Variants in MKNK1 observed in about 807,000 individuals in gnomAD.
MKNK1 encodes the protein MAP kinase-interacting serine/threonine-protein kinase 1.
MKNK1 carries 30 observed loss-of-function variants against 49.3 expected under a neutral mutation model. The ratio of observed to expected loss-of-function variants is 0.61; its 90% CI spans 0.46 to 0.83. The LOEUF is 0.83. Ranked by LOEUF, MKNK1 falls within the 40% of genes least tolerant of loss-of-function variation. MKNK1 has a pLI of 0.00. For missense variants in MKNK1, 423 were observed against 524.7 expected (o/e 0.81, Z 1.89); for synonymous variants, 176 against 201.7 (o/e 0.87, Z 1.08).
chr1:46,585,165 G>A (rs961284823), intron 2 of MKNK1, among the ~76,000 whole-genome samples: 9 of 146,866 alleles, frequency 6.1e-5, no homozygotes, highest in South Asian at 4.4e-4. Context: ...CAGGAGAATC[G>A]CTTGAACCTG....
Position 46,583,862 on chromosome 1 carries a change from CA to C in MKNK1, c.-2-534del, listed in dbSNP as rs564957613. The stretch of plus-strand genomic sequence containing the variant: ...TGAAGGTAGCAATAGGGCTGGGGTT[CA>C]AAATAGCCCCAAATTACTTCATGTC... On this transcript the variant is annotated intron_variant, in intron 2 of 12. Coordinates refer to ENST00000371945, the MANE Select transcript of MKNK1 (RefSeq NM_001135553.4). Among the ~76,000 whole-genome samples, 10 of 152,258 alleles carry C rather than the reference CA, an allele frequency of 6.6e-5. No homozygotes were observed. The East Asian group carries it at 1.9e-3, about 29-fold the overall frequency.
At chr1:46,602,034 TTGAAAGA>T (rs1294224985) in intron 1 of MKNK1, among the ~76,000 whole-genome samples, 1 of 152,074 alleles carries the variant, frequency 6.6e-6, no homozygotes, top group Non-Finnish European at 1.5e-5. Context: ...GATGTAAGCC[TTGAAAGA>T]TGAGGAGGAG....
chr1:46,569,648 G>A (rs1265395916), intron 7 of MKNK1: 1 of 152,252 alleles, frequency 6.6e-6, no homozygotes, highest in Non-Finnish European at 1.5e-5. Flanking sequence ...GGCCACGGGA[G>A]GCACTTCACT....
chr1:46,586,272 A>C (rs1672556397), intron 2 of MKNK1: 5 of 292,156 alleles, frequency 1.7e-5, no homozygotes. Context: ...TGGTCATCAA[A>C]AGCCGGCTCG....
intron 12 of MKNK1, among the ~76,000 whole-genome samples, chr1:46,559,107 G>A (rs1366662258): frequency 6.6e-6 from 1 of 152,306 alleles, no homozygotes; most frequent in East Asian, 1.9e-4. Context: ...GGCAGAGACT[G>A]GGCACATGAA....
chr1:46,585,943 T>C, intron 2 of MKNK1: 1 of 1,365,668 alleles, frequency 7.3e-7, no homozygotes, highest in Non-Finnish European at 9.8e-7. Flanking sequence ...AGACTTTCCT[T>C]GGAAATGGAA....
rs1667334818 is a variant in MKNK1 at position 46,558,348 on chromosome 1, A to T, written c.*227T>A. The stretch of plus-strand genomic sequence containing the variant: ...GCTGCAGGCAATTATGCAAAGTGAG[A>T]AGTGATTGCTTTCCTTTTCAAAGAC... On this transcript the variant is annotated 3_prime_UTR_variant, in exon 13 of 13. Coordinates refer to ENST00000371945, the MANE Select transcript of MKNK1 (RefSeq NM_001135553.4). 3 of 539,850 alleles carry T rather than the reference A, an allele frequency of 5.6e-6. No individual in the cohort carries two copies. Among genetic ancestry groups the T allele is most frequent in the Non-Finnish European group, 6.5e-6 (2 of 309,430 alleles). 33.4% of individuals were successfully genotyped at this position (539,850 alleles called of 1,614,324 possible).
intron 4 of MKNK1, among the ~76,000 whole-genome samples, chr1:46,577,733 T>C (rs1412864216): frequency 1.3e-5 from 2 of 152,222 alleles, no homozygotes; most frequent in African/African-American, 4.8e-5. Flanking sequence ...TGTCAAATGC[T>C]GACTGAAGGA....
intron 4 of MKNK1, among the ~76,000 whole-genome samples, chr1:46,577,764 G>C (rs1459856508): frequency 6.6e-6 from 1 of 152,208 alleles, no homozygotes; most frequent in African/African-American, 2.4e-5. Context: ...CAACAGATGG[G>C]AGGGTGGTTT....
At chr1:46,562,181 G>T (rs1475505770) in intron 10 of MKNK1, among the ~76,000 whole-genome samples, 3 of 151,970 alleles carry the variant, frequency 2.0e-5, no homozygotes, top group African/African-American at 7.3e-5. Flanking sequence ...GGATCACAAG[G>T]TCAGGAGATT....
At position 46,557,561 on chromosome 1, in the gene MKNK1, G is replaced by A. The variant is rs1021862693; in HGVS notation, c.*1014C>T. The A allele has an allele frequency of 6.5e-5, 10 of 152,740 alleles. No homozygotes were observed. Among genetic ancestry groups the A allele is most frequent in the East Asian group, 3.9e-4 (2 of 5,186 alleles). 9.5% of individuals were successfully genotyped at this position (152,740 alleles called of 1,614,324 possible). A position where few individuals can be genotyped will look rare whatever the true frequency, so the allele number is the denominator to read the frequency against. On this transcript the variant is annotated 3_prime_UTR_variant, in exon 13 of 13. Coordinates refer to ENST00000371945, the MANE Select transcript of MKNK1 (RefSeq NM_001135553.4). ...TGAATGGCTGTACCTTCATGCACAC[G>A]GGCAGCAGGCACTGCATTGCTCAAA... is the stretch of plus-strand genomic sequence containing the variant.
intron 2 of MKNK1, among the ~76,000 whole-genome samples, chr1:46,588,321 G>A (rs531937939): frequency 2.0e-5 from 3 of 152,128 alleles, no homozygotes; most frequent in Admixed American, 2.0e-4. Context: ...TTTAAATAAA[G>A]TACACCATAA....
At position 46,585,916 on chromosome 1, in the gene MKNK1, G is replaced by A. The variant is rs746212442; in HGVS notation, c.-2-2587C>T. On this transcript the variant is annotated intron_variant, in intron 2 of 12. Coordinates refer to ENST00000371945, the MANE Select transcript of MKNK1 (RefSeq NM_001135553.4). ...GATTTCAATGAAAGAGGGTACGCCAGAAGGGACAAATGGTTAAGACTTTCC... is the reference window on the plus strand; with the variant it reads ...GATTTCAATGAAAGAGGGTACGCCAAAAGGGACAAATGGTTAAGACTTTCC... The A allele has an allele frequency of 1.5e-5, 20 of 1,365,700 alleles. No homozygotes were observed. In the South Asian group the frequency reaches 2.3e-4, roughly 16 times the overall value. 84.6% of individuals were successfully genotyped at this position (1,365,700 alleles called of 1,614,324 possible).
At chr1:46,568,236 A>T (rs1029376657) in intron 8 of MKNK1, 2 of 575,136 alleles carry the variant, frequency 3.5e-6, no homozygotes, top group Non-Finnish European at 6.3e-6. Context: ...TCTCAGGCTT[A>T]CATCAATCAC....
intron 3 of MKNK1, among the ~76,000 whole-genome samples, chr1:46,582,521 G>A (rs1475594530): frequency 6.6e-6 from 1 of 152,178 alleles, no homozygotes; most frequent in African/African-American, 2.4e-5. Flanking sequence ...ACCAAGAGGC[G>A]AAGCTACTTC....
chr1:46,568,741 T>A, intron 7 of MKNK1: 2 of 512,176 alleles, frequency 3.9e-6, no homozygotes, highest in Non-Finnish European at 7.0e-6. Flanking sequence ...AAGGGCTAAA[T>A]GAATCCCAGC....
rs1210270198 is a variant in MKNK1 at position 46,562,770 on chromosome 1, C to A, written c.683G>T (p.Arg228Leu). ...FTDQATFYDK[R>L]CDLWSLGVVL... Reference sequence around the variant, plus strand: ...CACGCCCAGGCTCCACAGGTCACAGCGCTTGTCGTAGAATGTGGCCTGGTC... The same window carrying A: ...CACGCCCAGGCTCCACAGGTCACAGAGCTTGTCGTAGAATGTGGCCTGGTC... The change falls in exon 10 of 13, where the codon CGC becomes CTC. Residue 228 changes from arginine (R) to leucine (L), a missense_variant. By Grantham distance (102) the Arg-to-Leu change is moderately radical. Coordinates refer to ENST00000371945, the MANE Select transcript of MKNK1 (RefSeq NM_001135553.4). 4 of 1,611,574 alleles carry A rather than the reference C, an allele frequency of 2.5e-6. No individual in the cohort carries two copies. Among genetic ancestry groups the A allele is most frequent in the Non-Finnish European group, 3.4e-6 (4 of 1,178,810 alleles).
At position 46,576,684 on chromosome 1, in the gene MKNK1, A is replaced by C. The variant is rs769986593; in HGVS notation, c.199-30T>G. The C allele has an allele frequency of 1.9e-6, 3 of 1,587,774 alleles. No individual in the cohort carries two copies. In the South Asian group the frequency reaches 3.3e-5, roughly 18 times the overall value. ...GGGAAGAATAAAATCTGTCATGTAC[A>C]CCCACCTGACTTCCAAACAGCCCTT... On this transcript the variant is annotated intron_variant, in intron 4 of 12. Coordinates refer to ENST00000371945, the MANE Select transcript of MKNK1 (RefSeq NM_001135553.4).
At chr1:46,560,658 C>A (rs1479880944) in intron 11 of MKNK1, among the ~76,000 whole-genome samples, 1 of 152,222 alleles carries the variant, frequency 6.6e-6, no homozygotes, top group Non-Finnish European at 1.5e-5. Flanking sequence ...TAGCACTTTT[C>A]AGAAGCCTTT....
Sources: allele counts gnomAD v4.1 joint callset (sites outside exome capture counted in the v4.1 genomes callset), GRCh38; gene constraint gnomAD v4.1.1; transcripts MANE v1.5; gene names NCBI Gene and HGNC (gene_info 2026-07-23, HGNC 2026-07-21).